Variants in NLRC4 observed in about 807,000 individuals in gnomAD.
The protein encoded by NLRC4 is NLR family CARD domain containing 4.
In NLRC4, 63 loss-of-function variants were observed where a neutral mutation model predicts 79.9. The observed-to-expected ratio is 0.79, with a 90% confidence interval of 0.64 to 0.97. NLRC4 has a LOEUF of 0.97. Ranked by LOEUF, NLRC4 falls within the 50% of genes least tolerant of loss-of-function variation. The pLI, the probability that NLRC4 is intolerant of heterozygous loss-of-function variation, is 0.00. For synonymous variants in NLRC4, 461 were observed against 456.5 expected (o/e 1.01, Z -0.12); for missense variants, 1,074 against 1,215.2 (o/e 0.88, Z 1.73).
chr2:32,243,641 A>G (rs990353573), intron 4 of NLRC4, among the ~76,000 whole-genome samples: 2 of 151,262 alleles, frequency 1.3e-5, no homozygotes, highest in African/African-American at 4.9e-5. Context: ...CTCTACTAAA[A>G]ATACAAAAAT....
At chr2:32,263,315 C>T (rs556940664) in intron 1 of NLRC4, among the ~76,000 whole-genome samples, 2 of 152,240 alleles carry the variant, frequency 1.3e-5, no homozygotes, top group Admixed American at 6.5e-5. Flanking sequence ...TCTTGCTTTC[C>T]AAATCATGCA....
intron 6 of NLRC4, among the ~76,000 whole-genome samples, chr2:32,237,537 A>G (rs1254085499): frequency 6.6e-6 from 1 of 152,248 alleles, no homozygotes; most frequent in African/African-American, 2.4e-5. Context: ...AGAGACTCCC[A>G]GCAGTTATAT....
At chr2:32,264,039 A>G (rs1687411498) in intron 1 of NLRC4, among the ~76,000 whole-genome samples, 1 of 152,166 alleles carries the variant, frequency 6.6e-6, no homozygotes. Context: ...TCCAAATATC[A>G]GGTTTCTCAT....
intron 4 of NLRC4, among the ~76,000 whole-genome samples, chr2:32,242,624 A>G (rs1490880261): frequency 6.6e-6 from 1 of 152,150 alleles, no homozygotes; most frequent in South Asian, 2.1e-4. Context: ...TATCTACCAC[A>G]CATTTAAAGA....
intron 1 of NLRC4, among the ~76,000 whole-genome samples, chr2:32,261,315 C>CTTTTTTTTTTTTTTTTTT (rs1558464069): frequency 7.4e-5 from 6 of 81,504 alleles, no homozygotes; most frequent in African/African-American, 2.9e-4. Flanking sequence ...AAGCCTCCCC[C>CTTTTTTTTTTTTTTTTTT]CTTTTGTTTT....
chr2:32,256,834 T>G lies in NLRC4; in HGVS notation c.-59A>C. 1.3e-6 allele frequency: 1 copy of G among 778,772 alleles called. No homozygotes were observed. The highest frequency in any genetic ancestry group is 2.3e-4 in the Middle Eastern group (1 of 4,360). 48.2% of individuals were successfully genotyped at this position (778,772 alleles called of 1,614,324 possible). A position where few individuals can be genotyped will look rare whatever the true frequency, so the allele number is the denominator to read the frequency against. On this transcript the variant is annotated 5_prime_UTR_variant, in exon 2 of 9. Coordinates refer to ENST00000402280, the MANE Select transcript of NLRC4 (RefSeq NM_001199138.2). Reference sequence around the variant, plus strand: ...CACAATAGAAAATATTATTTCCAAATGGAAAGGTCAAAGGTGATCCCAATA... The same window carrying G: ...CACAATAGAAAATATTATTTCCAAAGGGAAAGGTCAAAGGTGATCCCAATA...
rs199475952 is a variant in NLRC4 at position 32,251,567 on chromosome 2, G to A, written c.297C>T (p.Asp99=). The change falls in exon 4 of 9, where the codon GAC becomes GAT. Residue 99 remains aspartate, a synonymous_variant. Coordinates refer to ENST00000402280, the MANE Select transcript of NLRC4 (RefSeq NM_001199138.2). ...LFHQTSEGDL[D]DLAQDLKDLY... ...AGTCCTTTAAATCCTGAGCCAAATC[G>A]TCCAAGTCTCCTTCTGATGTCTGAT... The A allele has an allele frequency of 1.4e-5, 22 of 1,608,428 alleles. No homozygotes were observed. Among genetic ancestry groups the A allele is most frequent in the Middle Eastern group, 1.7e-4 (1 of 6,012 alleles).
intron 4 of NLRC4, among the ~76,000 whole-genome samples, chr2:32,244,990 C>T (rs1686898241): frequency 6.6e-6 from 1 of 151,438 alleles, no homozygotes. Context: ...GTCCCAGCGA[C>T]TTAGGAGGCT....
chr2:32,236,405 C>T (rs2148934207), intron 6 of NLRC4, 66 bp from the exon 7 acceptor site: 2 of 917,794 alleles, frequency 2.2e-6, no homozygotes, highest in Non-Finnish European at 3.1e-6. Context: ...TTTGAAGTAT[C>T]CTTAGAATAA....
intron 2 of NLRC4, among the ~76,000 whole-genome samples, chr2:32,253,752 G>T (rs1342923608): frequency 6.6e-6 from 1 of 151,890 alleles, no homozygotes; most frequent in Non-Finnish European, 1.5e-5. Flanking sequence ...ATCACCAGAG[G>T]TCGGGAGTTC....
At chr2:32,241,167 G>T (rs1686791093) in intron 4 of NLRC4, 42 bp from the exon 5 acceptor site, 2 of 1,178,630 alleles carry the variant, frequency 1.7e-6, no homozygotes, top group Admixed American at 3.7e-5. Context: ...GCAGATATTT[G>T]CTATTTACTA....
intron 4 of NLRC4, among the ~76,000 whole-genome samples, chr2:32,243,663 G>A (rs186779899): frequency 2.2e-3 from 326 of 150,538 alleles, no homozygotes; most frequent in African/African-American, 7.5e-3. Flanking sequence ...AGCTGGGCGT[G>A]GTGGCGCGCC....
chr2:32,249,986 CT>C lies in NLRC4; in HGVS notation c.1877del (p.Lys626ArgfsTer47), dbSNP rs1359892249. On this transcript the variant is annotated frameshift_variant, in exon 4 of 9. Coordinates refer to ENST00000402280, the MANE Select transcript of NLRC4 (RefSeq NM_001199138.2). LOFTEE classifies it high-confidence loss of function. Reference protein sequence around the residue: ...FYGGAMASWEKAAEDTGGIHM... With the variant: ...FYGGAMASWEXAAEDTGGIHM... ...GGATTCCACCTGTGTCTTCTGCAGC[CT>C]TTTCCCATGAAGCCATAGCTCCCCC... 3.1e-6 allele frequency: 5 copies of C among 1,614,064 alleles called. No individual in the cohort carries two copies. The highest frequency in any genetic ancestry group is 4.2e-6 in the Non-Finnish European group (5 of 1,180,058).
intron 4 of NLRC4, among the ~76,000 whole-genome samples, chr2:32,242,962 C>T (rs1008726766): frequency 2.6e-5 from 4 of 152,000 alleles, no homozygotes; most frequent in Non-Finnish European, 2.9e-5. Context: ...GCAAGAGAAT[C>T]GCTTGAGCCC....
intron 2 of NLRC4, 36 bp from the exon 3 acceptor site, chr2:32,252,715 C>T (rs753291319): frequency 8.2e-6 from 13 of 1,586,620 alleles, no homozygotes; most frequent in Non-Finnish European, 1.1e-5. Flanking sequence ...TATTTATTTA[C>T]TTATATAAAA....
In NLRC4 at chr2:32,256,000, C is replaced by T. The variant is rs547926050; in HGVS notation, c.1+775G>A. 1.1e-4 allele frequency among the ~76,000 whole-genome samples: 17 copies of T among 149,944 alleles called. 1 individual carries two copies. Among genetic ancestry groups the T allele is most frequent in the South Asian group, 1.1e-3 (5 of 4,732 alleles). ...CTGCACTCCAGCCTGGGCTACAGAG[C>T]GAGACTCCATCTCACACAAAAAAAA... On this transcript the variant is annotated intron_variant, in intron 2 of 8. Transcript: ENST00000402280.
At chr2:32,245,193 C>T (rs1432294636) in intron 4 of NLRC4, among the ~76,000 whole-genome samples, 1 of 151,710 alleles carries the variant, frequency 6.6e-6, no homozygotes, top group Admixed American at 6.6e-5. Flanking sequence ...CGCCTGTAAT[C>T]CCAGCTACTC....
chr2:32,233,966 G>T (rs1394022663), intron 8 of NLRC4, among the ~76,000 whole-genome samples: 1 of 152,172 alleles, frequency 6.6e-6, no homozygotes, highest in Non-Finnish European at 1.5e-5. Context: ...GTTCTCCAGT[G>T]TTGGGGACAT....
At chr2:32,242,027 A>G (rs891288657) in intron 4 of NLRC4, among the ~76,000 whole-genome samples, 1 of 152,156 alleles carries the variant, frequency 6.6e-6, no homozygotes, top group Non-Finnish European at 1.5e-5. Context: ...AATCAAAGTT[A>G]TTATGCCTTT....
Sources: gnomAD v4.1 joint callset for allele counts (sites outside exome capture counted in the v4.1 genomes callset) on GRCh38, gnomAD v4.1.1 for gene constraint, MANE v1.5 for transcripts, NCBI Gene and HGNC (gene_info 2026-07-23, HGNC 2026-07-21) for gene names.